Variants in OSBPL3 observed in about 807,000 individuals in gnomAD.
OSBPL3 encodes oxysterol binding protein like 3.
A neutral mutation model predicts 120.1 loss-of-function variants in OSBPL3; 65 were observed. That is an observed-to-expected ratio of 0.54 (90% CI 0.44 to 0.67). The LOEUF (loss-of-function observed/expected upper bound fraction) is 0.67. Among genes scored for constraint, OSBPL3 ranks in the 30% least tolerant of loss-of-function variants. OSBPL3 has a pLI of 0.00. For missense variants in OSBPL3, 1,004 were observed against 1,082.1 expected (o/e 0.93, Z 1.01); for synonymous variants, 416 against 402.6 (o/e 1.03, Z -0.40).
At chr7:24,954,844 G>A (rs553604382) in intron 1 of OSBPL3, among the ~76,000 whole-genome samples, 44 of 152,186 alleles carry the variant, frequency 2.9e-4, no homozygotes, top group African/African-American at 9.6e-4. Flanking sequence ...AGGTTTTTTG[G>A]AAAGAGCATA....
rs985704678 is a variant in OSBPL3, at chr7:24,854,124, A to G, written c.1028-1490T>C. ...GTTTTGATCACATCATGTACAAATTACTTCCTAGGGATGAGGAAGCTGTTA... is the reference window on the plus strand; with the variant it reads ...GTTTTGATCACATCATGTACAAATTGCTTCCTAGGGATGAGGAAGCTGTTA... On this transcript the variant is annotated intron_variant, in intron 10 of 22. Transcript: ENST00000313367. The surrounding 1 kb of genome is among the most constrained non-coding windows in gnomAD (Gnocchi z 4.1). Among the ~76,000 whole-genome samples, 1 of 151,962 alleles carries G rather than the reference A, an allele frequency of 6.6e-6. No individual in the cohort carries two copies. Among genetic ancestry groups the G allele is most frequent in the African/African-American group, 2.4e-5 (1 of 41,364 alleles).
rs1356296437 is a variant in OSBPL3, at chr7:24,834,626, T to C, written c.1606A>G (p.Ile536Val). ...ISLWNILRNN[I>V]GKDLSKVAMP... ...GCCACCTTGGACAGGTCCTTCCCGA[T>C]GTTGTTCCTCAGGATGTTCCACAGG... The change falls in exon 15 of 23, where the codon ATC becomes GTC. Residue 536 changes from isoleucine (I) to valine (V), a missense_variant. Coordinates refer to ENST00000313367, the MANE Select transcript of OSBPL3 (RefSeq NM_015550.4). The surrounding 1 kb of genome is among the most constrained non-coding windows in gnomAD (Gnocchi z 5.2). 1.2e-6 allele frequency: 2 copies of C among 1,614,080 alleles called. No homozygotes were observed. Among genetic ancestry groups the C allele is most frequent in the East Asian group, 2.2e-5 (1 of 44,886 alleles).
Position 24,932,235 on chromosome 7 carries a change from T to C in OSBPL3, c.-149-39614A>G, listed in dbSNP as rs550806100. ...TTAACAAGGTCATATTTGTCCACCA[T>C]CACTGGAATTTGAATGCAGGCATTT... On this transcript the variant is annotated intron_variant, in intron 1 of 22. Coordinates refer to ENST00000313367, the MANE Select transcript of OSBPL3 (RefSeq NM_015550.4). This position sits in a 1 kb window ranked among gnomAD's most constrained non-coding sequence, Gnocchi z 5.6. Among the ~76,000 whole-genome samples, 3 of 152,320 alleles carry C rather than the reference T, an allele frequency of 2.0e-5. No individual in the cohort carries two copies. Among genetic ancestry groups the C allele is most frequent in the Admixed American group, 6.5e-5 (1 of 15,294 alleles).
In OSBPL3 at chr7:24,968,259, A is replaced by G. The variant is rs936058851; in HGVS notation, c.-150+11627T>C. Among the ~76,000 whole-genome samples the G allele has an allele frequency of 6.6e-6, 1 of 152,154 alleles. No individual in the cohort carries two copies. The highest frequency in any genetic ancestry group is 2.4e-5 in the African/African-American group (1 of 41,442). On this transcript the variant is annotated intron_variant, in intron 1 of 22. Transcript: ENST00000313367. This position sits in a 1 kb window ranked among gnomAD's most constrained non-coding sequence, Gnocchi z 4.6. ...AAAAACAAAAATGTCCTCATGTGTT[A>G]TGTTTCCTGATTTCCATGGTGTAAA...
Position 24,866,218 on chromosome 7 carries a change from A to C in OSBPL3, c.401T>G (p.Phe134Cys). 6.2e-7 allele frequency: 1 copy of C among 1,611,202 alleles called. No individual in the cohort carries two copies. The highest frequency in any genetic ancestry group is 8.5e-7 in the Non-Finnish European group (1 of 1,177,336). Residue 134 changes from phenylalanine to cysteine, a missense_variant, in exon 6 of 23, where the codon TTT (phenylalanine) becomes TGT (cysteine). By Grantham distance (205) the Phe-to-Cys change is radical. This residue lies in a region of OSBPL3 where 255 missense variants were observed against 248.7 expected (regional missense o/e 1.03). Transcript: ENST00000313367. ...GCGAAGTTTCGATACCCACTCATCA[A>C]AGACTTCTTCTGACTTGACCTATAA... ...YHLKVKSEEV[F>C]DEWVSKLRHH...
In OSBPL3 at chr7:24,964,694, T is replaced by C. The variant is rs1350641042; in HGVS notation, c.-150+15192A>G. On this transcript the variant is annotated intron_variant, in intron 1 of 22. Coordinates refer to ENST00000313367, the MANE Select transcript of OSBPL3 (RefSeq NM_015550.4). This position sits in a 1 kb window ranked among gnomAD's most constrained non-coding sequence, Gnocchi z 4.2. ...GGAAATCTGAATGAAGTATAGATTT[T>C]AGTTATTAATACTGCAACAGTACTG... 6.6e-6 allele frequency among the ~76,000 whole-genome samples: 1 copy of C among 152,228 alleles called. No individual in the cohort carries two copies. Among genetic ancestry groups the C allele is most frequent in the East Asian group, 1.9e-4 (1 of 5,208 alleles).
At chr7:24,980,571 C>T (rs1206945013), upstream of OSBPL3, among the ~76,000 whole-genome samples, 1 of 151,956 alleles carries the variant, frequency 6.6e-6, no homozygotes, top group African/African-American at 2.4e-5. Flanking sequence ...GCGGGAGGGG[C>T]AGGTTTACGG....
rs538247958 is a variant in OSBPL3, at chr7:24,896,750, G to A, written c.-149-4129C>T. ...ATTTATATTTTTTCCTGTATAAAAT[G>A]GGGAATAATAATAGCCACCCCAGAA... On this transcript the variant is annotated intron_variant, in intron 1 of 22. Coordinates refer to ENST00000313367, the MANE Select transcript of OSBPL3 (RefSeq NM_015550.4). The surrounding 1 kb of genome is among the most constrained non-coding windows in gnomAD (Gnocchi z 4.4). Among the ~76,000 whole-genome samples, 47 of 152,250 alleles carry A rather than the reference G, an allele frequency of 3.1e-4. No homozygotes were observed. Among genetic ancestry groups the A allele is most frequent in the Admixed American group, 2.5e-3 (38 of 15,286 alleles).
At chr7:24,914,652 CA>C (rs1809297982) in intron 1 of OSBPL3, among the ~76,000 whole-genome samples, 1 of 152,122 alleles carries the variant, frequency 6.6e-6, no homozygotes, top group South Asian at 2.1e-4. Context: ...TGAGTCACCA[CA>C]AAGTAAGATG....
Position 24,972,257 on chromosome 7 carries a change from A to G in OSBPL3, c.-150+7629T>C, listed in dbSNP as rs1397719253. 6.6e-6 allele frequency among the ~76,000 whole-genome samples: 1 copy of G among 152,200 alleles called. No homozygotes were observed. The highest frequency in any genetic ancestry group is 2.4e-5 in the African/African-American group (1 of 41,446). On this transcript the variant is annotated intron_variant, in intron 1 of 22. Coordinates refer to ENST00000313367, the MANE Select transcript of OSBPL3 (RefSeq NM_015550.4). The surrounding 1 kb of genome is among the most constrained non-coding windows in gnomAD (Gnocchi z 4.3). ...AAAAGAGGAGTTAAGGCCTCCTCCCACTCAGTTCTACATGGCCTCCAGCAA... is the reference window on the plus strand; with the variant it reads ...AAAAGAGGAGTTAAGGCCTCCTCCCGCTCAGTTCTACATGGCCTCCAGCAA...
chr7:24,934,004 C>G (rs1248112718), intron 1 of OSBPL3, among the ~76,000 whole-genome samples: 1 of 152,132 alleles, frequency 6.6e-6, no homozygotes, highest in Non-Finnish European at 1.5e-5. Context: ...TGTGTAATAG[C>G]TCTAAAATAG....
chr7:24,976,266 A>G (rs1178315505), intron 1 of OSBPL3, among the ~76,000 whole-genome samples: 2 of 142,806 alleles, frequency 1.4e-5, no homozygotes, highest in Non-Finnish European at 3.3e-5. Context: ...TTCAGCACCT[A>G]TTACTACTGT....
At chr7:24,979,757 G>A (rs919571613) in intron 1 of OSBPL3, 129 bp downstream of exon 1, 7 of 425,130 alleles carry the variant, frequency 1.6e-5, no homozygotes, top group Non-Finnish European at 2.2e-5. Context: ...AGCCTCCCCG[G>A]GCGACTCGGA....
intron 1 of OSBPL3, among the ~76,000 whole-genome samples, chr7:24,926,519 A>T (rs1486174664): frequency 6.6e-6 from 1 of 152,086 alleles, no homozygotes; most frequent in Non-Finnish European, 1.5e-5. Flanking sequence ...AATTACCCCC[A>T]CTTTTCAGCT....
chr7:24,802,465 C>G lies in OSBPL3; in HGVS notation c.2567+1850G>C, dbSNP rs981714895. Among the ~76,000 whole-genome samples, 5 of 152,202 alleles carry G rather than the reference C, an allele frequency of 3.3e-5. No individual in the cohort carries two copies. Among genetic ancestry groups the G allele is most frequent in the Non-Finnish European group, 7.3e-5 (5 of 68,034 alleles). ...AGTCAAAAAGAAAAAGAGCAATGGC[C>G]GCCCCAGCTGAAGCAGCTTTCCGTC... On this transcript the variant is annotated intron_variant, in intron 22 of 22. Transcript: ENST00000313367. The surrounding 1 kb of genome is among the most constrained non-coding windows in gnomAD (Gnocchi z 4.1).
In OSBPL3 at chr7:24,894,044, AAAAAG is replaced by A. The variant is rs2128347896; in HGVS notation, c.-149-1428_-149-1424del. Reference sequence around the variant, plus strand: ...ATTAATGTTCACATAGTCTAATTATAAAAAGAAGAGTATCATATATTTGTCTAGGA... The same window carrying A: ...ATTAATGTTCACATAGTCTAATTATAAAGAGTATCATATATTTGTCTAGGA... On this transcript the variant is annotated intron_variant, in intron 1 of 22. Coordinates refer to ENST00000313367, the MANE Select transcript of OSBPL3 (RefSeq NM_015550.4). This position sits in a 1 kb window ranked among gnomAD's most constrained non-coding sequence, Gnocchi z 4.1. Among the ~76,000 whole-genome samples the A allele has an allele frequency of 6.6e-6, 1 of 152,324 alleles. No homozygotes were observed. The highest frequency in any genetic ancestry group is 1.9e-4 in the East Asian group (1 of 5,192).
chr7:24,851,800 C>T lies in OSBPL3; in HGVS notation c.1158+704G>A, dbSNP rs975076110. On this transcript the variant is annotated intron_variant, in intron 11 of 22. Transcript: ENST00000313367. The surrounding 1 kb of genome is among the most constrained non-coding windows in gnomAD (Gnocchi z 4.1). The stretch of plus-strand genomic sequence containing the variant: ...GACATGGCACTTTAATGGAGCCTAA[C>T]TATTCTGAGGAATTAATTGAAACTG... 2.6e-5 allele frequency among the ~76,000 whole-genome samples: 4 copies of T among 151,164 alleles called. No individual in the cohort carries two copies. The highest frequency in any genetic ancestry group is 2.4e-5 in the African/African-American group (1 of 41,108).
At chr7:24,906,896 C>A (rs189581509) in intron 1 of OSBPL3, among the ~76,000 whole-genome samples, 2 of 152,282 alleles carry the variant, frequency 1.3e-5, no homozygotes, top group African/African-American at 2.4e-5. Context: ...TACCCCCACA[C>A]TCCAGTCCCC....
At chr7:24,903,682 C>T (rs943306016) in intron 1 of OSBPL3, among the ~76,000 whole-genome samples, 1 of 152,170 alleles carries the variant, frequency 6.6e-6, no homozygotes, top group Admixed American at 6.5e-5. Flanking sequence ...ACATCCACCC[C>T]TGTGTCTGCC....
Sources: allele counts gnomAD v4.1 joint callset (sites outside exome capture counted in the v4.1 genomes callset), GRCh38; gene constraint gnomAD v4.1.1; regional missense constraint gnomAD v4.1.1; non-coding constraint Gnocchi (gnomAD v3.1); transcripts MANE v1.5; gene names NCBI Gene and HGNC (gene_info 2026-07-23, HGNC 2026-07-21).